CES1: variants seen among roughly 807,000 people sequenced by gnomAD.
The protein encoded by CES1 is carboxylesterase 1.
A neutral mutation model predicts 53.0 loss-of-function variants in CES1; 50 were observed. The observed-to-expected ratio is 0.94, with a 90% CI of 0.75 to 1.19. The LOEUF (loss-of-function observed/expected upper bound fraction) is 1.19. Among genes scored for constraint, CES1 ranks in the 50% most tolerant of loss-of-function variants. The pLI is 0.00. For synonymous variants in CES1, 202 were observed against 210.1 expected, an observed-to-expected ratio of 0.96 and a Z score of 0.33; for missense variants, 534 against 538.0, an observed-to-expected ratio of 0.99 and a Z score of 0.07.
intron 1 of CES1, among the ~76,000 whole-genome samples, chr16:55,832,551 A>T (rs2032723808): frequency 6.6e-6 from 1 of 152,178 alleles, no homozygotes; most frequent in South Asian, 2.1e-4. Context: ...AGAGGGGGTA[A>T]CCCAAGCACG....
chr16:55,820,203 G>T (rs1227184173), intron 6 of CES1, 169 bp downstream of exon 6: 1 of 591,130 alleles, frequency 1.7e-6, no homozygotes, highest in African/African-American at 1.9e-5. Context: ...GTGAAACTGG[G>T]ACGCTGATCA....
intron 11 of CES1, 120 bp downstream of exon 11, chr16:55,810,397 A>T: frequency 7.6e-7 from 1 of 1,312,094 alleles, no homozygotes. Context: ...TGCCATATGG[A>T]ATCAGCCTTT....
In CES1 at chr16:55,819,653, A is replaced by C. The variant is rs766137144; in HGVS notation, c.802-14T>G. 1 of 1,598,152 alleles carries C rather than the reference A, an allele frequency of 6.3e-7. No homozygotes were observed. The highest frequency in any genetic ancestry group is 1.3e-5 in the African/African-American group (1 of 74,428). ...GATAGCAATTTGCTGCAAAGATCACAGGCAACAACAGAGTTCAAGAGCGAC... is the reference window on the plus strand; with the variant it reads ...GATAGCAATTTGCTGCAAAGATCACCGGCAACAACAGAGTTCAAGAGCGAC... On this transcript the variant is annotated splice_polypyrimidine_tract_variant and intron_variant, in intron 6 of 13. Coordinates refer to ENST00000360526, the MANE Select transcript of CES1 (RefSeq NM_001025195.2).
chr16:55,821,831 C>CA (rs1271367567), intron 4 of CES1, among the ~76,000 whole-genome samples: 1 of 152,032 alleles, frequency 6.6e-6, no homozygotes, highest in Admixed American at 6.5e-5. Flanking sequence ...AGCAGATAAA[C>CA]AGATACATAG....
At chr16:55,816,633 C>T (rs1403087226) in intron 8 of CES1, among the ~76,000 whole-genome samples, 2 of 152,176 alleles carry the variant, frequency 1.3e-5, no homozygotes, top group Admixed American at 6.5e-5. Context: ...TCCTACAGTG[C>T]CATTTTGGGG....
At chr16:55,820,581 G>T (rs1346412343) in intron 5 of CES1, 102 bp from the exon 6 acceptor site, 152 of 1,577,660 alleles carry the variant, frequency 9.6e-5, no homozygotes, top group Middle Eastern at 8.6e-4. Flanking sequence ...AACCAACACG[G>T]GACTGAGGAA....
At chr16:55,817,040 G>A in intron 7 of CES1, 78 bp from the exon 8 acceptor site, 1 of 1,487,012 alleles carries the variant, frequency 6.7e-7, no homozygotes, top group South Asian at 1.1e-5. Context: ...GGCAACAGAG[G>A]TGTCAGGTTC....
intron 1 of CES1, among the ~76,000 whole-genome samples, chr16:55,831,831 G>A (rs1185836029): frequency 2.0e-5 from 3 of 151,118 alleles, no homozygotes; most frequent in Non-Finnish European, 3.0e-5. Context: ...TGATTTTCGG[G>A]TTGACCCTGG....
At chr16:55,826,103 C>T (rs764502700) in intron 3 of CES1, 48 bp downstream of exon 3, 50 of 1,612,156 alleles carry the variant, frequency 3.1e-5, no homozygotes, top group East Asian at 2.0e-4. Context: ...CCAGAAGATG[C>T]GGGGTACTGG....
rs187784734 is a variant in CES1, at chr16:55,818,299, C to T, written c.906+1236G>A. On this transcript the variant is annotated intron_variant, in intron 7 of 13. Coordinates refer to ENST00000360526, the MANE Select transcript of CES1 (RefSeq NM_001025195.2). ...CAACAATCCTAAAGGTCCCCAAGTC[C>T]TAATATGTGAGGATGGCAGGGAGCA... Among the ~76,000 whole-genome samples, 107 of 152,320 alleles carry T rather than the reference C, an allele frequency of 7.0e-4. 1 individual carries two copies. Among genetic ancestry groups the T allele is most frequent in the African/African-American group, 2.5e-3 (103 of 41,550 alleles).
chr16:55,823,240 G>A (rs2032276163), intron 4 of CES1, among the ~76,000 whole-genome samples: 1 of 152,012 alleles, frequency 6.6e-6, no homozygotes, highest in African/African-American at 2.4e-5. Flanking sequence ...CAATGTGCTG[G>A]AGAAACATAG....
At chr16:55,829,227 A>G (rs1454261744) in intron 1 of CES1, among the ~76,000 whole-genome samples, 1 of 152,250 alleles carries the variant, frequency 6.6e-6, no homozygotes, top group Admixed American at 6.5e-5. Flanking sequence ...GAGAGCTACT[A>G]GGAAAGAACA....
chr16:55,822,001 T>C (rs565834113), intron 4 of CES1, among the ~76,000 whole-genome samples: 2 of 152,278 alleles, frequency 1.3e-5, no homozygotes, highest in South Asian at 4.1e-4. Context: ...AAGACCTTCA[T>C]AAAACAAGCA....
rs1567494148 is a variant in CES1 at position 55,813,093 on chromosome 16, A to G, written c.946-50T>C. 1.9e-6 allele frequency: 3 copies of G among 1,611,562 alleles called. No individual in the cohort carries two copies. In the African/African-American group the frequency reaches 4.0e-5, roughly 22 times the overall value. ...TGTGATTCCCTCCCTAGTCACACCC[A>G]TGTCCCCAACTCTGCCTGTCTGAGG... On this transcript the variant is annotated intron_variant, in intron 8 of 13. Coordinates refer to ENST00000360526, the MANE Select transcript of CES1 (RefSeq NM_001025195.2).
intron 4 of CES1, among the ~76,000 whole-genome samples, chr16:55,821,731 T>C (rs1297257563): frequency 5.3e-5 from 8 of 152,220 alleles, no homozygotes; most frequent in Admixed American, 5.2e-4. Context: ...GCATCTACTG[T>C]ATGCCTGACG....
rs372638605 is a variant in CES1 at position 55,810,544 on chromosome 16, A to G, written c.1291T>C (p.Ser431Pro). The G allele has an allele frequency of 3.1e-6, 5 of 1,614,148 alleles. No homozygotes were observed. The African/African-American group carries it at 4.0e-5, about 13-fold the overall frequency. ...LIADVMFGVPSVIVARNHRDA... is the reference protein window; with the variant it reads ...LIADVMFGVPPVIVARNHRDA... ...CTGTGGTTCCGGGCCACAATCACAG[A>G]TGGGACACCAAACATCACATCTGCT... Residue 431 changes from serine (S) to proline (P), a missense_variant, in exon 11 of 14, where the codon TCT becomes CCT. Ser to Pro is a moderately conservative substitution (Grantham distance 74). Around this residue, in one of 5 missense-constraint regions of CES1, gnomAD observed 269 missense variants for 206.6 expected, o/e 1.30. Coordinates refer to ENST00000360526, the MANE Select transcript of CES1 (RefSeq NM_001025195.2).
intron 3 of CES1, among the ~76,000 whole-genome samples, chr16:55,825,317 G>C (rs1323772401): frequency 6.6e-6 from 1 of 152,170 alleles, no homozygotes; most frequent in Non-Finnish European, 1.5e-5. Context: ...ACCATGCCAC[G>C]GTGCCCCTGG....
intron 6 of CES1, among the ~76,000 whole-genome samples, 182 bp from the exon 7 acceptor site, chr16:55,819,821 A>G (rs1314064833): frequency 1.3e-5 from 2 of 152,156 alleles, no homozygotes; most frequent in East Asian, 3.8e-4. Context: ...ACTAATCTCA[A>G]TTGTAACATG....
At chr16:55,811,252 C>T (rs1203305486) in intron 9 of CES1, among the ~76,000 whole-genome samples, 1 of 150,872 alleles carries the variant, frequency 6.6e-6, no homozygotes, top group Admixed American at 6.6e-5. Context: ...GAAGCTGTGG[C>T]AGTGTTTTGC....
Sources: allele counts gnomAD v4.1 joint callset (sites outside exome capture counted in the v4.1 genomes callset), GRCh38; gene constraint gnomAD v4.1.1; regional missense constraint gnomAD v4.1.1; transcripts MANE v1.5; gene names NCBI Gene and HGNC (gene_info 2026-07-23, HGNC 2026-07-21).